DENND4C: variants seen among roughly 807,000 people sequenced by gnomAD.
The protein encoded by DENND4C is DENN domain containing 4C, also known as DENN domain-containing protein 4C.
DENND4C carries 108 observed loss-of-function variants against 203.0 expected under a neutral mutation model. The observed-to-expected ratio is 0.53, with a 90% CI of 0.46 to 0.62. The LOEUF (loss-of-function observed/expected upper bound fraction) is 0.62, where lower values mean the gene tolerates loss of function less well. Among genes scored for constraint, DENND4C ranks in the 20% least tolerant of loss-of-function variants. The pLI is 0.00. For synonymous variants in DENND4C, 871 were observed against 792.4 expected (o/e 1.10, Z -1.67); for missense variants, 2,481 against 2,301.2 (o/e 1.08, Z -1.60).
intron 26 of DENND4C, among the ~76,000 whole-genome samples, chr9:19,355,142 C>A (rs904188733): frequency 1.3e-5 from 2 of 149,760 alleles, no homozygotes; most frequent in African/African-American, 4.9e-5. Context: ...GATCTCATGA[C>A]CTTGTGATCC....
At chr9:19,370,592 A>G (rs970127366) in intron 31 of DENND4C, among the ~76,000 whole-genome samples, 3 of 152,210 alleles carry the variant, frequency 2.0e-5, no homozygotes, top group Admixed American at 6.5e-5. Context: ...AAACTTACGT[A>G]CCACTTATTC....
intron 1 of DENND4C, among the ~76,000 whole-genome samples, chr9:19,270,941 A>G (rs1241381813): frequency 6.6e-6 from 1 of 152,226 alleles, no homozygotes; most frequent in Non-Finnish European, 1.5e-5. Flanking sequence ...GTAGCAATGA[A>G]TAATTGAATT....
At chr9:19,359,953 T>G (rs1203443073) in intron 28 of DENND4C, among the ~76,000 whole-genome samples, 1 of 152,174 alleles carries the variant, frequency 6.6e-6, no homozygotes, top group African/African-American at 2.4e-5. Flanking sequence ...TGCAAATATT[T>G]CTTATAAAAA....
chr9:19,237,105 C>T (rs969517309), intron 1 of DENND4C, among the ~76,000 whole-genome samples: 2 of 152,174 alleles, frequency 1.3e-5, no homozygotes, highest in South Asian at 2.1e-4. Flanking sequence ...ACTGCAGCCT[C>T]CACCTCCTCG....
At position 19,319,347 on chromosome 9, in the gene DENND4C, T is replaced by TAC. The variant is rs1389576345; in HGVS notation, c.1807+2509_1807+2510insCA. On this transcript the variant is annotated intron_variant, in intron 12 of 32. Transcript: ENST00000434457. ...ATATACATATATATACACATATATATATACTTATATATACACACATATATA... is the reference window on the plus strand; with the variant it reads ...ATATACATATATATACACATATATATACATACTTATATATACACACATATATA... Among the ~76,000 whole-genome samples, 140 of 43,586 alleles carry TAC rather than the reference T, an allele frequency of 3.2e-3. 4 individuals are homozygous for TAC. Among genetic ancestry groups the TAC allele is most frequent in the African/African-American group, 8.0e-3 (131 of 16,426 alleles). The allele number at this position is 43,586 out of a possible 152,430, so 28.6% of individuals were successfully genotyped here.
At position 19,346,440 on chromosome 9, in the gene DENND4C, C is replaced by G; in HGVS notation, c.3671C>G (p.Ser1224Cys). Residue 1224 changes from serine to cysteine, a missense_variant, in exon 23 of 33, where the codon TCC (serine) becomes TGC (cysteine). Ser to Cys is a moderately radical substitution (Grantham distance 112). Transcript: ENST00000434457. ...CAGTCCAGAGACTTGAAAACAGTAT[C>G]CAAAGATCTGAGGAATAAGAGAAGT... ...SNQSRDLKTV[S>C]KDLRNKRSSL... is the part of the protein sequence containing the mutation. The G allele has an allele frequency of 6.2e-7, 1 of 1,614,082 alleles. No individual in the cohort carries two copies. Among genetic ancestry groups the G allele is most frequent in the Non-Finnish European group, 8.5e-7 (1 of 1,180,018 alleles).
chr9:19,346,031 C>A lies in DENND4C; in HGVS notation c.3262C>A (p.His1088Asn). 1 of 1,614,088 alleles carries A rather than the reference C, an allele frequency of 6.2e-7. No individual in the cohort carries two copies. The change falls in exon 23 of 33, where the codon CAT (histidine) becomes AAT (asparagine). Residue 1088 changes from histidine to asparagine, a missense_variant. Transcript: ENST00000434457. Reference sequence around the variant, plus strand: ...TGATAGAGGAGAAAAAAGACAAAAGCATTTTCCTGAGAGGAGTTGTAGTTT... The same window carrying A: ...TGATAGAGGAGAAAAAAGACAAAAGAATTTTCCTGAGAGGAGTTGTAGTTT... ...NGDRGEKRQK[H>N]FPERSCSFSS... is the part of the protein sequence containing the mutation.
At chr9:19,237,377 AGTCTC>A (rs1166976879) in intron 1 of DENND4C, among the ~76,000 whole-genome samples, 2 of 147,860 alleles carry the variant, frequency 1.4e-5, no homozygotes, top group East Asian at 4.1e-4. Context: ...TTTGAGGCAG[AGTCTC>A]GCTCTATCAC....
chr9:19,251,007 A>G (rs1376802742), intron 1 of DENND4C, among the ~76,000 whole-genome samples: 2 of 152,188 alleles, frequency 1.3e-5, no homozygotes, highest in African/African-American at 4.8e-5. Context: ...ACCTTCTCAC[A>G]GCTCCGCTAG....
In DENND4C at chr9:19,354,549, C is replaced by CTTT. The variant is rs66823332; in HGVS notation, c.4781+1903_4781+1905dup. 1.2e-3 allele frequency among the ~76,000 whole-genome samples: 104 copies of CTTT among 87,266 alleles called. 3 individuals carry two copies. The highest frequency in any genetic ancestry group is 3.8e-3 in the African/African-American group (82 of 21,598). The allele number at this position is 87,266 out of a possible 152,430, so 57.2% of individuals were successfully genotyped here. A position where few individuals can be genotyped will look rare whatever the true frequency, so the allele number is the denominator to read the frequency against. On this transcript the variant is annotated intron_variant, in intron 26 of 32. Coordinates refer to ENST00000434457, the MANE Select transcript of DENND4C (RefSeq NM_001330640.2). ...TCTCTTCATTACTTGTTATTCTAGCCTTTTTTTTTTTTTTTTTTTTTGGAG... is the reference window on the plus strand; with the variant it reads ...TCTCTTCATTACTTGTTATTCTAGCCTTTTTTTTTTTTTTTTTTTTTTTTGGAG...
At chr9:19,311,925 C>A (rs776777989) in intron 10 of DENND4C, among the ~76,000 whole-genome samples, 1 of 152,110 alleles carries the variant, frequency 6.6e-6, no homozygotes, top group Non-Finnish European at 1.5e-5. Flanking sequence ...AATTCCACTT[C>A]TAGGAATTGA....
chr9:19,239,992 G>T (rs539783071), intron 1 of DENND4C, among the ~76,000 whole-genome samples: 1 of 152,270 alleles, frequency 6.6e-6, no homozygotes, highest in East Asian at 1.9e-4. Context: ...CTTGTTCTGT[G>T]AATTATTGCA....
chr9:19,336,771 G>A lies in DENND4C; in HGVS notation c.2820G>A (p.Glu940=), dbSNP rs1049123362. Residue 940 remains glutamate, a synonymous_variant, in exon 20 of 33, where the codon GAG becomes GAA. Transcript: ENST00000434457. ...VDSSNDANNG[E]HTVFVRDLIR... is the part of the protein sequence containing the mutation. ...GTTCTAATGATGCTAACAATGGGGA[G>A]CACACAGTCTTCGTCAGAGATTTAA... 4 of 1,550,886 alleles carry A rather than the reference G, an allele frequency of 2.6e-6. No homozygotes were observed. The highest frequency in any genetic ancestry group is 2.4e-5 in the South Asian group (2 of 84,062).
chr9:19,337,954 T>C (rs1018934870), intron 20 of DENND4C, among the ~76,000 whole-genome samples: 4 of 152,234 alleles, frequency 2.6e-5, no homozygotes, highest in African/African-American at 7.2e-5. Context: ...AATAGTGTTA[T>C]AGGCATTGAA....
rs1163490240 is a variant in DENND4C at position 19,295,987 on chromosome 9, CAG to C, written c.802-19_802-18del. 3 of 1,537,130 alleles carry C rather than the reference CAG, an allele frequency of 2.0e-6. No individual in the cohort carries two copies. The highest frequency in any genetic ancestry group is 1.9e-5 in the Admixed American group (1 of 52,974). On this transcript the variant is annotated intron_variant, in intron 5 of 32. Transcript: ENST00000434457. ...TTTCAAACAAACTCAAATCTTATAA[CAG>C]AATTCTGTTACTCTTTAGGTATATG...
At chr9:19,241,857 A>G (rs1823820308) in intron 1 of DENND4C, among the ~76,000 whole-genome samples, 1 of 149,670 alleles carries the variant, frequency 6.7e-6, no homozygotes, top group South Asian at 2.2e-4. Context: ...ATCTTAAAAA[A>G]AAAAAGTAAG....
intron 1 of DENND4C, among the ~76,000 whole-genome samples, chr9:19,261,968 T>A (rs977292460): frequency 6.6e-6 from 1 of 152,066 alleles, no homozygotes; most frequent in African/African-American, 2.4e-5. Flanking sequence ...GGGAGTACTG[T>A]TTTCATTTCT....
intron 9 of DENND4C, among the ~76,000 whole-genome samples, chr9:19,302,942 C>G (rs10811165): frequency 0.22 from 33,212 of 151,828 alleles, 4,449 homozygotes; most frequent in Non-Finnish European, 0.32. Flanking sequence ...CTAATAGAAC[C>G]TGCTTTTCTT....
intron 5 of DENND4C, among the ~76,000 whole-genome samples, chr9:19,291,727 A>G (rs116201337): frequency 0.036 from 5,399 of 151,638 alleles, 325 homozygotes; most frequent in African/African-American, 0.12. Context: ...AAAAAATAGC[A>G]GAGATAAGAC....
Sources: allele counts gnomAD v4.1 joint callset (sites outside exome capture counted in the v4.1 genomes callset), GRCh38; gene constraint gnomAD v4.1.1; transcripts MANE v1.5; gene names NCBI Gene and HGNC (gene_info 2026-07-23, HGNC 2026-07-21).